Variants in SCHIP1 observed in about 807,000 individuals in gnomAD.
SCHIP1 encodes the protein schwannomin-interacting protein 1.
In SCHIP1, 8 loss-of-function variants were observed where a neutral mutation model predicts 29.7. That is an observed-to-expected ratio of 0.27 (90% confidence interval 0.16 to 0.49). The LOEUF is 0.49. Among genes scored for constraint, SCHIP1 ranks in the 20% least tolerant of loss-of-function variants. SCHIP1 has a pLI of 0.99. For synonymous variants in SCHIP1, 76 were observed against 94.9 expected (o/e 0.80, Z 1.16); for missense variants, 193 against 294.6 (o/e 0.66, Z 2.52).
chr3:159,622,916 T>G, the SCHIP1 span, among the ~76,000 whole-genome samples: 4 of 151,994 alleles, frequency 2.6e-5, no homozygotes, highest in Non-Finnish European at 5.9e-5. Context: ...AGACTCTGTC[T>G]CAAAAAAATA....
At chr3:159,762,416 T>A in the SCHIP1 span, among the ~76,000 whole-genome samples, 1 of 152,146 alleles carries the variant, frequency 6.6e-6, no homozygotes. Flanking sequence ...CCACTAGGGC[T>A]TAGAAGAATC....
the SCHIP1 span, among the ~76,000 whole-genome samples, chr3:159,626,230 CTAGATA>C: frequency 1.5e-4 from 12 of 80,182 alleles, 1 homozygote; most frequent in African/African-American, 1.5e-3. Context: ...ATATATATAT[CTAGATA>C]TATCTATCTA....
chr3:159,691,081 G>A, the SCHIP1 span, among the ~76,000 whole-genome samples: 109 of 152,280 alleles, frequency 7.2e-4, 1 homozygote, highest in Non-Finnish European at 1.5e-3. Context: ...GATTTGGGGT[G>A]GAGAGTTCTA....
the SCHIP1 span, among the ~76,000 whole-genome samples, chr3:159,345,627 C>T: frequency 2.6e-5 from 4 of 151,920 alleles, no homozygotes; most frequent in Admixed American, 1.3e-4. Flanking sequence ...GAGGTACCAC[C>T]GATCCTCACT....
the SCHIP1 span, chr3:159,765,093 G>A: frequency 6.4e-7 from 1 of 1,572,404 alleles, no homozygotes; most frequent in East Asian, 2.3e-5. Flanking sequence ...AGTTCCGGGA[G>A]CAGGAGGTAC....
the SCHIP1 span, among the ~76,000 whole-genome samples, chr3:159,360,782 G>A: frequency 3.3e-5 from 5 of 151,888 alleles, no homozygotes; most frequent in African/African-American, 7.3e-5. Context: ...TTCATCAATG[G>A]AACTAAGCTT....
chr3:159,694,407 C>CCATT, the SCHIP1 span, among the ~76,000 whole-genome samples: 1 of 151,972 alleles, frequency 6.6e-6, no homozygotes, highest in Non-Finnish European at 1.5e-5. Context: ...GTAATCCCAG[C>CCATT]CATTCGGGAG....
the SCHIP1 span, among the ~76,000 whole-genome samples, chr3:159,799,812 T>C: frequency 2.6e-5 from 4 of 152,200 alleles, no homozygotes; most frequent in Non-Finnish European, 5.9e-5. Context: ...TTTTAAAATT[T>C]GGACTTTATC....
chr3:159,543,055 A>T, the SCHIP1 span, among the ~76,000 whole-genome samples: 2 of 151,188 alleles, frequency 1.3e-5, no homozygotes, highest in Non-Finnish European at 2.9e-5. Context: ...ACACACATGC[A>T]TATGTACACA....
At chr3:159,432,958 G>T in the SCHIP1 span, among the ~76,000 whole-genome samples, 3 of 152,164 alleles carry the variant, frequency 2.0e-5, no homozygotes, top group Non-Finnish European at 4.4e-5. Context: ...CCCTTGTCCA[G>T]CTGCTTAGAG....
At chr3:159,542,528 C>T in the SCHIP1 span, among the ~76,000 whole-genome samples, 3 of 152,000 alleles carry the variant, frequency 2.0e-5, no homozygotes, top group Non-Finnish European at 4.4e-5. Flanking sequence ...TTCACCCTTG[C>T]GGTTTCACAT....
the SCHIP1 span, among the ~76,000 whole-genome samples, chr3:159,784,801 G>A: frequency 6.6e-6 from 1 of 152,192 alleles, no homozygotes; most frequent in Admixed American, 6.5e-5. Flanking sequence ...CTACAGACGC[G>A]TGCCACCATG....
At chr3:159,791,165 ACT>A in the SCHIP1 span, among the ~76,000 whole-genome samples, 1 of 152,076 alleles carries the variant, frequency 6.6e-6, no homozygotes, top group Non-Finnish European at 1.5e-5. Flanking sequence ...AGATTCAACC[ACT>A]CAGTGCAGGG....
chr3:159,547,598 G>A, the SCHIP1 span, among the ~76,000 whole-genome samples: 3 of 152,258 alleles, frequency 2.0e-5, no homozygotes, highest in South Asian at 2.1e-4. Context: ...TGTATATGGT[G>A]TAAGGAAGGG....
the SCHIP1 span, among the ~76,000 whole-genome samples, chr3:159,457,231 T>C: frequency 6.6e-6 from 1 of 152,174 alleles, no homozygotes; most frequent in South Asian, 2.1e-4. Context: ...GAATAATAGC[T>C]CATCTAATTG....
chr3:159,712,126 A>G, the SCHIP1 span, among the ~76,000 whole-genome samples: 3 of 152,170 alleles, frequency 2.0e-5, no homozygotes, highest in Non-Finnish European at 4.4e-5. Context: ...TGATCTGATC[A>G]TGCCTACCAC....
the SCHIP1 span, among the ~76,000 whole-genome samples, chr3:159,814,830 G>A: frequency 6.6e-6 from 1 of 152,138 alleles, no homozygotes; most frequent in African/African-American, 2.4e-5. Flanking sequence ...TGTATTTCTC[G>A]TTTGAAAAAT....
At chr3:159,482,945 G>A in the SCHIP1 span, among the ~76,000 whole-genome samples, 1 of 152,138 alleles carries the variant, frequency 6.6e-6, no homozygotes, top group Non-Finnish European at 1.5e-5. Flanking sequence ...GGCCCCAGGG[G>A]TCTGGACTGG....
chr3:159,430,673 C>T, the SCHIP1 span, among the ~76,000 whole-genome samples: 1 of 151,882 alleles, frequency 6.6e-6, no homozygotes, highest in African/African-American at 2.4e-5. Context: ...GGGTGAAAGC[C>T]CCATGTGAGA....
Sources: gnomAD v4.1 joint callset for allele counts (sites outside exome capture counted in the v4.1 genomes callset) on GRCh38, gnomAD v4.1.1 for gene constraint, MANE v1.5 for transcripts, NCBI Gene and HGNC (gene_info 2026-07-23, HGNC 2026-07-21) for gene names.